POLR3F: variants seen among roughly 807,000 people sequenced by gnomAD.
POLR3F encodes RNA polymerase III subunit F.
A neutral mutation model predicts 43.6 loss-of-function variants in POLR3F; 31 were observed. The observed-to-expected ratio is 0.71, with a 90% CI of 0.53 to 0.96. The LOEUF (loss-of-function observed/expected upper bound fraction) is 0.96. Ranked by LOEUF, POLR3F falls within the 40% of genes least tolerant of loss-of-function variation. The pLI is 0.00. For synonymous variants in POLR3F, 114 were observed against 132.5 expected (o/e 0.86, Z 0.96); for missense variants, 316 against 391.7 (o/e 0.81, Z 1.63).
chr20:18,481,328 G>A (rs191597167), intron 7 of POLR3F, among the ~76,000 whole-genome samples: 7 of 152,242 alleles, frequency 4.6e-5, no homozygotes, highest in East Asian at 1.9e-4. Context: ...TGCAACTTCC[G>A]TCTCCCGGGT....
At chr20:18,472,210 T>C (rs1044523937) in intron 2 of POLR3F, among the ~76,000 whole-genome samples, 1 of 148,886 alleles carries the variant, frequency 6.7e-6, no homozygotes, top group Admixed American at 6.6e-5. Flanking sequence ...CTGTTAACTT[T>C]TTTTGTTTTT....
At chr20:18,479,913 ATAGGAGCTCTGTGTAC>A (rs2059801088) in intron 5 of POLR3F, 109 bp from the exon 6 acceptor site, 1 of 633,568 alleles carries the variant, frequency 1.6e-6, no homozygotes, top group Non-Finnish European at 2.7e-6. Flanking sequence ...CATGATGTAT[ATAGGAGCTCTGTGTAC>A]TATCTTTGCA....
chr20:18,471,943 C>T (rs961980646), intron 2 of POLR3F, among the ~76,000 whole-genome samples: 4 of 152,198 alleles, frequency 2.6e-5, no homozygotes, highest in East Asian at 1.9e-4. Context: ...GATTGTGCCA[C>T]GGCACACCAG....
chr20:18,473,686 G>A (rs2424208), intron 4 of POLR3F, among the ~76,000 whole-genome samples: 20,645 of 152,134 alleles, frequency 0.14, 1,530 homozygotes, highest in Admixed American at 0.18. Context: ...GGAAAAAGAC[G>A]TCTGAATTCT....
Position 18,472,913 on chromosome 20 carries a change from A to C in POLR3F, c.248+4A>C. 1 of 1,328,958 alleles carries C rather than the reference A, an allele frequency of 7.5e-7. No individual in the cohort carries two copies. The highest frequency in any genetic ancestry group is 1.1e-6 in the Non-Finnish European group (1 of 940,950). The allele number at this position is 1,328,958 out of a possible 1,614,324, so 82.3% of individuals were successfully genotyped here. A position where few individuals can be genotyped will look rare whatever the true frequency, so the allele number is the denominator to read the frequency against. ...TAAAGGACTCTCAGAATGCTGGGTA[A>C]GTACTTGTTTTTTTAATTTTAAGAA... On this transcript the variant is annotated splice_donor_region_variant and intron_variant, in intron 3 of 8. Coordinates refer to ENST00000377603, the MANE Select transcript of POLR3F (RefSeq NM_006466.4).
Position 18,467,416 on chromosome 20 carries a change from G to A in POLR3F, c.-91G>A, listed in dbSNP as rs2059694280. The A allele has an allele frequency of 7.0e-6, 10 of 1,425,452 alleles. No homozygotes were observed. Among genetic ancestry groups the A allele is most frequent in the Middle Eastern group, 1.8e-4 (1 of 5,656 alleles). The allele number at this position is 1,425,452 out of a possible 1,614,324, so 88.3% of individuals were successfully genotyped here. On this transcript the variant is annotated 5_prime_UTR_variant, in exon 1 of 9. Transcript: ENST00000377603. ...AAGAAGGCCCCTCGGCCTCAGCAGA[G>A]CGCTATCCTCCACTGGTTCCCCGGG...
Position 18,469,181 on chromosome 20 carries a change from T to G in POLR3F, c.180+120T>G, listed in dbSNP as rs551183484. 6.9e-4 allele frequency: 470 copies of G among 682,956 alleles called. 1 individual carries two copies. The highest frequency in any genetic ancestry group is 1.2e-3 in the Non-Finnish European group (429 of 372,160). 42.3% of individuals were successfully genotyped at this position (682,956 alleles called of 1,614,324 possible). On this transcript the variant is annotated intron_variant, in intron 2 of 8. Transcript: ENST00000377603. The stretch of plus-strand genomic sequence containing the variant: ...GACTAAGATACAGGATTCCTACATA[T>G]CTAGTTAAATATTTTATTGGAGTGT...
rs1182430489 is a variant in POLR3F at position 18,483,730 on chromosome 20, G to A, written c.*172G>A. On this transcript the variant is annotated 3_prime_UTR_variant, in exon 9 of 9. Transcript: ENST00000377603. ...TATTTATGAAGACTAAATTTATATT[G>A]GTAAAATAGCCAGTAGAATATGAAA... The A allele has an allele frequency of 7.0e-6, 3 of 426,250 alleles. No individual in the cohort carries two copies. The highest frequency in any genetic ancestry group is 4.1e-5 in the African/African-American group (2 of 48,770). The allele number at this position is 426,250 out of a possible 1,614,324, so 26.4% of individuals were successfully genotyped here.
intron 1 of POLR3F, among the ~76,000 whole-genome samples, chr20:18,468,062 C>T (rs1387765283): frequency 6.6e-6 from 1 of 152,034 alleles, no homozygotes; most frequent in African/African-American, 2.4e-5. Flanking sequence ...ACACCCAAAG[C>T]CTCTGCCACT....
intron 8 of POLR3F, among the ~76,000 whole-genome samples, chr20:18,482,331 G>A (rs577516655): frequency 2.4e-4 from 37 of 152,122 alleles, no homozygotes; most frequent in Middle Eastern, 3.4e-3. Flanking sequence ...GGATATTTAC[G>A]TTTTCTGCTC....
chr20:18,476,476 T>C (rs1209833092), intron 5 of POLR3F, among the ~76,000 whole-genome samples: 1 of 152,238 alleles, frequency 6.6e-6, no homozygotes, highest in Non-Finnish European at 1.5e-5. Flanking sequence ...TATCACCTTT[T>C]GTTCATTCAT....
rs534973184 is a variant in POLR3F, at chr20:18,480,172, A to G, written c.564A>G (p.Leu188=). 8.1e-6 allele frequency: 13 copies of G among 1,612,258 alleles called. No homozygotes were observed. In the South Asian group the frequency reaches 9.9e-5, roughly 12 times the overall value. Residue 188 remains leucine, a synonymous_variant, in exon 6 of 9, where the codon CTA becomes CTG. Transcript: ENST00000377603. ...TTAACCAACAGTGTTTTAAATTCCT[A>G]CAGTCCAAGGTGAGGTATGATTGAG... ...EVLNQQCFKF[L]QSKAETARES...
rs758616102 is a variant in POLR3F, at chr20:18,468,974, T to C, written c.93T>C (p.His31=). The change falls in exon 2 of 9, where the codon CAT becomes CAC. Residue 31 remains histidine, a synonymous_variant. Coordinates refer to ENST00000377603, the MANE Select transcript of POLR3F (RefSeq NM_006466.4). ...TAGAATTATGTCACCAGTTCCCTCA[T>C]GGAATCACAGACCAAGTAATTCAGA... is the stretch of plus-strand genomic sequence containing the variant. ...RIIELCHQFP[H]GITDQVIQNE... The C allele has an allele frequency of 1.8e-5, 28 of 1,573,548 alleles. No individual in the cohort carries two copies. The highest frequency in any genetic ancestry group is 2.4e-5 in the Non-Finnish European group (27 of 1,142,970).
chr20:18,477,544 G>A (rs570725652), intron 5 of POLR3F, among the ~76,000 whole-genome samples: 2 of 152,186 alleles, frequency 1.3e-5, no homozygotes, highest in Admixed American at 1.3e-4. Flanking sequence ...ATCAAAAACT[G>A]GAAGCAACCA....
intron 7 of POLR3F, among the ~76,000 whole-genome samples, 161 bp from the exon 8 acceptor site, chr20:18,481,458 C>T (rs930194962): frequency 9.9e-5 from 15 of 152,056 alleles, no homozygotes; most frequent in African/African-American, 2.7e-4. Context: ...AGGCTGGTCT[C>T]GAACTCCTGA....
At chr20:18,477,756 C>G (rs770832767) in intron 5 of POLR3F, among the ~76,000 whole-genome samples, 5 of 152,090 alleles carry the variant, frequency 3.3e-5, no homozygotes, top group Admixed American at 3.3e-4. Flanking sequence ...CTAAAAAGAT[C>G]GGGGTGAGGG....
chr20:18,483,550 G>T lies in POLR3F; in HGVS notation c.943G>T (p.Glu315Ter). 1 of 1,410,838 alleles carries T rather than the reference G, an allele frequency of 7.1e-7. No homozygotes were observed. Among genetic ancestry groups the T allele is most frequent in the South Asian group, 1.3e-5 (1 of 74,894 alleles). 87.4% of individuals were successfully genotyped at this position (1,410,838 alleles called of 1,614,324 possible). A position where few individuals can be genotyped will look rare whatever the true frequency, so the allele number is the denominator to read the frequency against. ...CTGTATTTACATGACAGAGTGGCTC[G>T]AATTTTAATAGAGAGCTATGAACTT... is the stretch of plus-strand genomic sequence containing the variant. ...SNCIYMTEWL[E>*]F Residue 315 changes from glutamate to a stop codon, truncating the protein, a stop_gained, in exon 9 of 9, where the codon GAA (glutamate) becomes TAA (stop). Transcript: ENST00000377603. LOFTEE classifies it high-confidence loss of function.
chr20:18,467,625 C>T, intron 1 of POLR3F, 57 bp downstream of exon 1: 1 of 1,612,796 alleles, frequency 6.2e-7, no homozygotes, highest in Non-Finnish European at 8.5e-7. Context: ...ATTTGGGCAG[C>T]TGGACCCCTT....
intron 2 of POLR3F, among the ~76,000 whole-genome samples, 156 bp from the exon 3 acceptor site, chr20:18,472,686 C>G (rs534422078): frequency 2.6e-5 from 4 of 151,988 alleles, no homozygotes; most frequent in African/African-American, 9.6e-5. Flanking sequence ...CAAGATCTAG[C>G]CTACAGGAAA....
Sources: allele counts gnomAD v4.1 joint callset (sites outside exome capture counted in the v4.1 genomes callset), GRCh38; gene constraint gnomAD v4.1.1; transcripts MANE v1.5; gene names NCBI Gene and HGNC (gene_info 2026-07-23, HGNC 2026-07-21).